FGF13: variants seen among roughly 807,000 people sequenced by gnomAD.
FGF13 encodes the protein fibroblast growth factor homologous factor 2.
FGF13 carries 2 observed loss-of-function variants against 19.5 expected under a neutral mutation model. That is an observed-to-expected ratio of 0.10 (90% CI 0.04 to 0.32). The LOEUF is 0.32. FGF13 is among the 10% of genes least tolerant of loss of function. The pLI is 1.00. For missense variants in FGF13, 113 were observed against 192.7 expected, an observed-to-expected ratio of 0.59 and a Z score of 2.45; for synonymous variants, 72 against 76.9, an observed-to-expected ratio of 0.94 and a Z score of 0.33.
At chrX:139,055,451 C>T (rs1351084159) in intron 1 of FGF13, among the ~76,000 whole-genome samples, 1 of 112,575 alleles carries the variant, frequency 8.9e-6, no homozygotes, top group African/African-American at 3.2e-5. Flanking sequence ...CTCTTATCTG[C>T]AGCTGATCTG....
intron 1 of FGF13, among the ~76,000 whole-genome samples, chrX:139,032,305 T>C: frequency 9.0e-6 from 1 of 111,663 alleles, no homozygotes; most frequent in African/African-American, 3.3e-5. Context: ...CTGTTTAGCT[T>C]TCCTTGGACA....
intron 1 of FGF13, among the ~76,000 whole-genome samples, chrX:139,170,228 A>G (rs2084119783): frequency 9.0e-6 from 1 of 111,571 alleles, no homozygotes; most frequent in African/African-American, 3.3e-5. Flanking sequence ...CTGTTTCTTT[A>G]CGTATTTTAG....
chrX:139,186,141 G>A (rs1164177524), intron 1 of FGF13, among the ~76,000 whole-genome samples: 1 of 111,784 alleles, frequency 8.9e-6, no homozygotes, highest in African/African-American at 3.3e-5. Flanking sequence ...TAGAAGCAAA[G>A]GATATTAGGA....
intron 1 of FGF13, among the ~76,000 whole-genome samples, chrX:138,964,820 A>G (rs2091888433): frequency 9.0e-6 from 1 of 111,029 alleles, no homozygotes; most frequent in Non-Finnish European, 1.9e-5. Context: ...GAACTCACTA[A>G]TTTATGGGGC....
chrX:138,615,538 C>T lies in FGF13; in HGVS notation c.*17312G>A, dbSNP rs950726668. ...AGTATTTGGGAAACTGAAAGAAACC[C>T]CAGTGGACCCACTTGAGTGTACATC... On this transcript the variant is annotated 3_prime_UTR_variant, in exon 5 of 5. Coordinates refer to ENST00000315930, the MANE Select transcript of FGF13 (RefSeq NM_004114.5). The T allele has an allele frequency of 2.7e-5, 3 of 110,103 alleles. No homozygotes were observed. Among genetic ancestry groups the T allele is most frequent in the African/African-American group, 9.9e-5 (3 of 30,223 alleles). The allele number at this position is 110,103 out of a possible 1,213,427, so 9.1% of individuals were successfully genotyped here. A position where few individuals can be genotyped will look rare whatever the true frequency, so the allele number is the denominator to read the frequency against.
intron 1 of FGF13, among the ~76,000 whole-genome samples, chrX:139,034,057 T>G (rs1166949266): frequency 8.9e-6 from 1 of 111,804 alleles, no homozygotes; most frequent in Admixed American, 9.5e-5. Context: ...ATCAGAATTA[T>G]TGACATATTA....
upstream of FGF13, among the ~76,000 whole-genome samples, chrX:139,204,472 C>A (rs2084449530): frequency 8.9e-6 from 1 of 112,390 alleles, no homozygotes; most frequent in Non-Finnish European, 1.9e-5. Flanking sequence ...CTCGCAACCC[C>A]CGGGGCGGCC....
chrX:138,964,154 A>G (rs2091885935), intron 1 of FGF13, among the ~76,000 whole-genome samples: 1 of 111,872 alleles, frequency 8.9e-6, no homozygotes, highest in Non-Finnish European at 1.9e-5. Context: ...CAGTTTAGGC[A>G]AGTCTGTAGA....
intron 1 of FGF13, among the ~76,000 whole-genome samples, chrX:138,995,702 C>A (rs1026433608): frequency 1.8e-5 from 2 of 112,378 alleles, no homozygotes; most frequent in Non-Finnish European, 3.8e-5. Flanking sequence ...TTTATCCAAT[C>A]TGTCATTGAT....
chrX:138,945,420 G>A (rs1233811545), intron 1 of FGF13, among the ~76,000 whole-genome samples: 1 of 110,891 alleles, frequency 9.0e-6, no homozygotes, highest in East Asian at 2.9e-4. Context: ...AACAAAAAAA[G>A]GTAGTCAAAT....
chrX:138,719,616 G>A lies in FGF13; in HGVS notation c.29-10688C>T, dbSNP rs761453247. Among the ~76,000 whole-genome samples the A allele has an allele frequency of 2.7e-5, 3 of 111,969 alleles. No homozygotes were observed. In the South Asian group the frequency reaches 1.1e-3, roughly 42 times the overall value. Reference sequence around the variant, plus strand: ...ACAGGAAAAACTGGCTTTCCACACTGTAAGCTTTTTTGTGCCATCTGTTTT... The same window carrying A: ...ACAGGAAAAACTGGCTTTCCACACTATAAGCTTTTTTGTGCCATCTGTTTT... On this transcript the variant is annotated intron_variant, in intron 1 of 4. Coordinates refer to the FGF13 transcript ENST00000305414.
intron 1 of FGF13, among the ~76,000 whole-genome samples, chrX:139,077,276 A>G (rs2083338820): frequency 8.9e-6 from 1 of 112,294 alleles, no homozygotes; most frequent in Non-Finnish European, 1.9e-5. Context: ...AAGCCAATGG[A>G]AGATAACTAA....
At chrX:138,686,547 A>C (rs958595476) in intron 3 of FGF13, among the ~76,000 whole-genome samples, 1 of 111,941 alleles carries the variant, frequency 8.9e-6, no homozygotes, top group Non-Finnish European at 1.9e-5. Flanking sequence ...TTATTTATTC[A>C]ATAAATCAGT....
intron 1 of FGF13, among the ~76,000 whole-genome samples, chrX:139,063,811 T>C (rs891007252): frequency 1.8e-5 from 2 of 111,684 alleles, no homozygotes; most frequent in African/African-American, 6.5e-5. Flanking sequence ...AAAGAATTTG[T>C]ATTACCTTAT....
At chrX:138,780,979 G>A (rs5976201) in intron 3 of FGF13, among the ~76,000 whole-genome samples, 33,118 of 109,523 alleles carry the variant, frequency 0.3, 3,865 homozygotes, top group East Asian at 0.5. Context: ...TCAGACCACA[G>A]TGCAATCAAA....
rs969993213 is a variant in FGF13, at chrX:138,628,574, T to C, written c.*4276A>G. The C allele has an allele frequency of 9.8e-5, 11 of 112,531 alleles. No homozygotes were observed. The highest frequency in any genetic ancestry group is 3.6e-4 in the African/African-American group (11 of 30,967). The allele number at this position is 112,531 out of a possible 1,213,427, so 9.3% of individuals were successfully genotyped here. On this transcript the variant is annotated 3_prime_UTR_variant, in exon 5 of 5. Transcript: ENST00000315930. Reference sequence around the variant, plus strand: ...TGACATCGCATCTAAATGAGGCTTCTAAGACACATTCGTATGAAATTTGTT... The same window carrying C: ...TGACATCGCATCTAAATGAGGCTTCCAAGACACATTCGTATGAAATTTGTT...
intron 1 of FGF13, among the ~76,000 whole-genome samples, chrX:139,149,096 G>C (rs761762029): frequency 8.9e-6 from 1 of 111,838 alleles, no homozygotes; most frequent in East Asian, 2.8e-4. Context: ...CAGTCTTGGC[G>C]ATTTGGTGAA....
intron 1 of FGF13, among the ~76,000 whole-genome samples, chrX:139,106,534 G>A (rs2083561773): frequency 8.9e-6 from 1 of 111,810 alleles, no homozygotes; most frequent in African/African-American, 3.3e-5. Flanking sequence ...TAGAGTACCA[G>A]CCTTCACAGA....
intron 1 of FGF13, among the ~76,000 whole-genome samples, chrX:138,939,437 G>T (rs751553824): frequency 2.3e-4 from 26 of 111,681 alleles, no homozygotes; most frequent in Non-Finnish European, 4.5e-4. Flanking sequence ...TTTATTTTAG[G>T]TTTAGGAGTG....
Sources: allele counts gnomAD v4.1 joint callset (sites outside exome capture counted in the v4.1 genomes callset), GRCh38; gene constraint gnomAD v4.1.1; transcripts MANE v1.5; gene names NCBI Gene and HGNC (gene_info 2026-07-23, HGNC 2026-07-21).